The following SGCZ variants were observed in gnomAD, a reference collection of about 807,000 sequenced individuals.
The protein encoded by SGCZ is zeta-sarcoglycan.
In SGCZ, 40 loss-of-function variants were observed where a neutral mutation model predicts 41.3. The observed-to-expected ratio is 0.97, with a 90% CI of 0.75 to 1.26. The LOEUF (loss-of-function observed/expected upper bound fraction) is 1.26, where lower values mean the gene tolerates loss of function less well. SGCZ is among the 50% of genes most tolerant of loss of function. The pLI is 0.00. For missense variants in SGCZ, 552 were observed against 369.8 expected, an observed-to-expected ratio of 1.49 and a Z score of -4.04; for synonymous variants, 206 against 137.5, an observed-to-expected ratio of 1.50 and a Z score of -3.49.
chr8:14,593,732 A>G (rs1261627617), intron 1 of SGCZ, among the ~76,000 whole-genome samples: 1 of 152,224 alleles, frequency 6.6e-6, no homozygotes, highest in African/African-American at 2.4e-5. Flanking sequence ...CATATTACAT[A>G]TTGAAACATT....
At chr8:14,200,691 G>C (rs1040462691) in intron 4 of SGCZ, among the ~76,000 whole-genome samples, 1 of 152,086 alleles carries the variant, frequency 6.6e-6, no homozygotes, top group Non-Finnish European at 1.5e-5. Flanking sequence ...TTATAAACTA[G>C]AAGCCTCAGA....
intron 3 of SGCZ, among the ~76,000 whole-genome samples, chr8:14,242,226 C>G (rs915897753): frequency 2.0e-5 from 3 of 152,188 alleles, no homozygotes; most frequent in Admixed American, 1.3e-4. Context: ...TGCTCATTCT[C>G]TCCAGTTTAA....
chr8:14,463,304 T>A (rs1474338440), intron 2 of SGCZ, among the ~76,000 whole-genome samples: 2 of 151,160 alleles, frequency 1.3e-5, no homozygotes, highest in Non-Finnish European at 3.0e-5. Context: ...TTTCTGATTT[T>A]AAAACTTATT....
intron 1 of SGCZ, among the ~76,000 whole-genome samples, chr8:14,898,010 T>G (rs1033734812): frequency 6.6e-5 from 10 of 152,208 alleles, no homozygotes; most frequent in Non-Finnish European, 1.3e-4. Context: ...TATTATTTTA[T>G]AGTTGATTTA....
chr8:15,065,408 GTATTGTAAT>G lies in SGCZ; in HGVS notation c.39+172168_39+172176del, dbSNP rs1397364057. 9.4e-4 allele frequency among the ~76,000 whole-genome samples: 132 copies of G among 140,968 alleles called. 1 individual carries two copies. The highest frequency in any genetic ancestry group is 3.1e-3 in the African/African-American group (119 of 38,126). 92.5% of individuals were successfully genotyped at this position (140,968 alleles called of 152,430 possible). Reference sequence around the variant, plus strand: ...TATCTATGGCATCACTTATCACATGGTATTGTAATTATTATTATTATTATTATTATTATT... The same window carrying G: ...TATCTATGGCATCACTTATCACATGGTATTATTATTATTATTATTATTATT... On this transcript the variant is annotated intron_variant, in intron 1 of 7. Transcript: ENST00000382080.
At position 14,751,249 on chromosome 8, in the gene SGCZ, A is replaced by G. The variant is rs554866998; in HGVS notation, c.40-196323T>C. 4.6e-5 allele frequency among the ~76,000 whole-genome samples: 7 copies of G among 152,350 alleles called. No individual in the cohort carries two copies. The East Asian group carries it at 1.4e-3, about 29-fold the overall frequency. On this transcript the variant is annotated intron_variant, in intron 1 of 7. Coordinates refer to ENST00000382080, the MANE Select transcript of SGCZ (RefSeq NM_139167.4). ...GTCTCTCTGACCAGTTTAATGAATC[A>G]GCAAATGATACATGTTCTCTACAAG... is the stretch of plus-strand genomic sequence containing the variant.
At chr8:14,793,056 G>C (rs1347204471) in intron 1 of SGCZ, among the ~76,000 whole-genome samples, 2 of 152,148 alleles carry the variant, frequency 1.3e-5, no homozygotes, top group Non-Finnish European at 2.9e-5. Flanking sequence ...TACAATATGT[G>C]ATCTATCTCC....
chr8:14,989,379 A>AGGAG (rs1801931433), intron 1 of SGCZ, among the ~76,000 whole-genome samples: 1 of 152,086 alleles, frequency 6.6e-6, no homozygotes, highest in Non-Finnish European at 1.5e-5. Flanking sequence ...TTAGCTACTC[A>AGGAG]GGAGGCTGAG....
chr8:14,449,194 C>A (rs1031582865), intron 2 of SGCZ, among the ~76,000 whole-genome samples: 3 of 152,162 alleles, frequency 2.0e-5, no homozygotes, highest in African/African-American at 7.2e-5. Flanking sequence ...CAAGGGTTTT[C>A]TGACCACAAC....
intron 1 of SGCZ, among the ~76,000 whole-genome samples, chr8:15,162,115 T>C (rs1207227577): frequency 1.3e-5 from 2 of 152,242 alleles, no homozygotes; most frequent in Admixed American, 1.3e-4. Flanking sequence ...GAACAAAGTT[T>C]GTATTGGATG....
intron 1 of SGCZ, among the ~76,000 whole-genome samples, chr8:15,075,981 G>C (rs1396355563): frequency 1.3e-5 from 2 of 151,664 alleles, no homozygotes; most frequent in African/African-American, 4.8e-5. Flanking sequence ...CTTTTTCATG[G>C]AACTAATATC....
chr8:14,813,690 G>T (rs544710392), intron 1 of SGCZ, among the ~76,000 whole-genome samples: 1 of 152,208 alleles, frequency 6.6e-6, no homozygotes, highest in East Asian at 1.9e-4. Flanking sequence ...AGTGGCTCAC[G>T]CCTGTAATCC....
chr8:14,135,172 T>A (rs1450000135), intron 5 of SGCZ, among the ~76,000 whole-genome samples: 2 of 152,198 alleles, frequency 1.3e-5, no homozygotes, highest in African/African-American at 4.8e-5. Context: ...TATAATAGAG[T>A]ACTAGGCATA....
At chr8:14,887,553 T>C (rs1444167412) in intron 1 of SGCZ, among the ~76,000 whole-genome samples, 1 of 152,142 alleles carries the variant, frequency 6.6e-6, no homozygotes. Flanking sequence ...GCAAAACCTA[T>C]AAATATATCT....
At chr8:15,074,189 C>T (rs908420938) in intron 1 of SGCZ, among the ~76,000 whole-genome samples, 2 of 152,142 alleles carry the variant, frequency 1.3e-5, no homozygotes, top group Non-Finnish European at 2.9e-5. Flanking sequence ...ATCCTTTCCT[C>T]TCCCCCTTCT....
At chr8:14,605,364 T>C (rs190370891) in intron 1 of SGCZ, among the ~76,000 whole-genome samples, 2 of 152,120 alleles carry the variant, frequency 1.3e-5, no homozygotes, top group African/African-American at 2.4e-5. Flanking sequence ...TTAGGGCAAA[T>C]TGGGTATCTA....
At chr8:14,555,710 A>G (rs1804014911) in intron 1 of SGCZ, among the ~76,000 whole-genome samples, 1 of 152,102 alleles carries the variant, frequency 6.6e-6, no homozygotes, top group Non-Finnish European at 1.5e-5. Context: ...TGAGTCTACC[A>G]CAAGGATTTT....
chr8:14,419,094 CA>C, intron 2 of SGCZ, among the ~76,000 whole-genome samples: 1 of 151,828 alleles, frequency 6.6e-6, no homozygotes, highest in Non-Finnish European at 1.5e-5. Context: ...AGACCTACAG[CA>C]AATACTTTAA....
intron 1 of SGCZ, among the ~76,000 whole-genome samples, chr8:14,735,455 T>C (rs1225840740): frequency 6.6e-6 from 1 of 152,180 alleles, no homozygotes; most frequent in Non-Finnish European, 1.5e-5. Flanking sequence ...GGATGCTTCC[T>C]GCCCTTGGGC....
Sources: allele counts gnomAD v4.1 joint callset (sites outside exome capture counted in the v4.1 genomes callset), GRCh38; gene constraint gnomAD v4.1.1; transcripts MANE v1.5; gene names NCBI Gene and HGNC (gene_info 2026-07-23, HGNC 2026-07-21).